Variants in CBFA2T2 observed in about 807,000 individuals in gnomAD.
CBFA2T2 encodes CBFA2/RUNX1 partner transcriptional co-repressor 2.
Under a neutral mutation model 62.2 loss-of-function variants are expected in CBFA2T2, and 11 were observed. That is an observed-to-expected ratio of 0.18 (90% CI 0.11 to 0.29). The LOEUF is 0.29. Ranked by LOEUF, CBFA2T2 falls within the 10% of genes least tolerant of loss-of-function variation. CBFA2T2 has a pLI of 1.00. For synonymous variants in CBFA2T2, 295 were observed against 287.5 expected, an observed-to-expected ratio of 1.03 and a Z score of -0.27; for missense variants, 592 against 774.1, an observed-to-expected ratio of 0.76 and a Z score of 2.79.
At chr20:33,599,168 A>G (rs376739070) in intron 1 of CBFA2T2, among the ~76,000 whole-genome samples, 4 of 152,262 alleles carry the variant, frequency 2.6e-5, no homozygotes, top group Admixed American at 2.6e-4. Flanking sequence ...AAGCTGAGGC[A>G]GGAGAATTGC....
intron 8 of CBFA2T2, among the ~76,000 whole-genome samples, chr20:33,632,698 C>T (rs1052415015): frequency 1.3e-5 from 2 of 151,564 alleles, no homozygotes; most frequent in Non-Finnish European, 1.5e-5. Context: ...CCACCCGCCT[C>T]GTCCTCCCGA....
chr20:33,641,094 G>A (rs1446137595), intron 10 of CBFA2T2, among the ~76,000 whole-genome samples: 2 of 151,772 alleles, frequency 1.3e-5, no homozygotes, highest in African/African-American at 2.4e-5. Context: ...GTGCAGTGGT[G>A]CAATCTTGGC....
chr20:33,502,960 G>A (rs753742545), intron 1 of CBFA2T2, among the ~76,000 whole-genome samples: 1 of 149,774 alleles, frequency 6.7e-6, no homozygotes, highest in East Asian at 2.1e-4. Flanking sequence ...GCTTGGTGGC[G>A]GGCATCTGTA....
At chr20:33,499,917 G>T (rs2146846087) in intron 1 of CBFA2T2, among the ~76,000 whole-genome samples, 1 of 152,186 alleles carries the variant, frequency 6.6e-6, no homozygotes, top group East Asian at 1.9e-4. Flanking sequence ...TAATCTTGGT[G>T]TCAAGTTCAT....
At chr20:33,507,944 G>A (rs534049588) in intron 1 of CBFA2T2, among the ~76,000 whole-genome samples, 10 of 152,268 alleles carry the variant, frequency 6.6e-5, no homozygotes, top group African/African-American at 2.2e-4. Context: ...CCCAAGTGAA[G>A]AATGGGTAGG....
At chr20:33,616,127 AGATAGAT>A (rs894057533) in intron 3 of CBFA2T2, among the ~76,000 whole-genome samples, 5 of 147,442 alleles carry the variant, frequency 3.4e-5, no homozygotes, top group African/African-American at 9.9e-5. Flanking sequence ...ATAGATAGAT[AGATAGAT>A]GACAGAGCAA....
chr20:33,596,200 C>G (rs17124810), intron 1 of CBFA2T2, among the ~76,000 whole-genome samples: 15,778 of 152,168 alleles, frequency 0.1, 2,181 homozygotes, highest in African/African-American at 0.3. Flanking sequence ...TATATTAACT[C>G]TTTCCTGGCT....
intron 10 of CBFA2T2, among the ~76,000 whole-genome samples, chr20:33,642,543 C>G (rs570035095): frequency 2.0e-5 from 3 of 151,806 alleles, no homozygotes; most frequent in Admixed American, 1.3e-4. Flanking sequence ...GAGGTGCAAG[C>G]CTGACCATGA....
intron 1 of CBFA2T2, among the ~76,000 whole-genome samples, chr20:33,549,005 C>T (rs1435170877): frequency 3.3e-5 from 5 of 150,998 alleles, no homozygotes; most frequent in South Asian, 2.1e-4. Context: ...TCCATCCATC[C>T]GTATTCATTC....
At chr20:33,580,454 G>A (rs1308417598) in intron 1 of CBFA2T2, among the ~76,000 whole-genome samples, 1 of 152,154 alleles carries the variant, frequency 6.6e-6, no homozygotes, top group East Asian at 1.9e-4. Flanking sequence ...GCCGAAATTG[G>A]CCTCTTCTGA....
At chr20:33,573,532 A>G (rs771976050) in intron 1 of CBFA2T2, among the ~76,000 whole-genome samples, 12 of 151,776 alleles carry the variant, frequency 7.9e-5, no homozygotes, top group Non-Finnish European at 1.5e-4. Context: ...CCCAGGCTGA[A>G]GTGCAGTGGC....
At chr20:33,507,216 G>A (rs1198527084) in intron 1 of CBFA2T2, among the ~76,000 whole-genome samples, 1 of 152,110 alleles carries the variant, frequency 6.6e-6, no homozygotes, top group Non-Finnish European at 1.5e-5. Context: ...TTTGACAAAC[G>A]TTTATTGAAT....
At chr20:33,573,921 G>A (rs2146905754) in intron 1 of CBFA2T2, 5 of 340,692 alleles carry the variant, frequency 1.5e-5, no homozygotes, top group Middle Eastern at 2.0e-3. Flanking sequence ...GCTAGGACTA[G>A]AGGCATTTGC....
chr20:33,558,324 G>A (rs989167033), intron 1 of CBFA2T2, among the ~76,000 whole-genome samples: 1 of 151,960 alleles, frequency 6.6e-6, no homozygotes, highest in East Asian at 1.9e-4. Flanking sequence ...TAGAGATGAG[G>A]CTTCACCATG....
chr20:33,566,793 T>C (rs1972502671), intron 1 of CBFA2T2, among the ~76,000 whole-genome samples: 1 of 152,188 alleles, frequency 6.6e-6, no homozygotes, highest in African/African-American at 2.4e-5. Flanking sequence ...AGCCTTAAAT[T>C]AAACTTTATT....
At chr20:33,513,042 G>A (rs906869014) in intron 1 of CBFA2T2, among the ~76,000 whole-genome samples, 1 of 151,944 alleles carries the variant, frequency 6.6e-6, no homozygotes, top group Non-Finnish European at 1.5e-5. Flanking sequence ...GTGAGCCACC[G>A]CACCCGGCCA....
rs373462820 is a variant in CBFA2T2 at position 33,624,236 on chromosome 20, T to TAA, written c.693-510_693-509dup. Among the ~76,000 whole-genome samples the TAA allele has an allele frequency of 6.8e-3, 473 of 69,998 alleles. 5 individuals are homozygous for TAA. The highest frequency in any genetic ancestry group is 0.019 in the African/African-American group (436 of 22,964). 45.9% of individuals were successfully genotyped at this position (69,998 alleles called of 152,430 possible). On this transcript the variant is annotated intron_variant, in intron 5 of 10. Coordinates refer to ENST00000342704, the MANE Select transcript of CBFA2T2 (RefSeq NM_001032999.3). Reference sequence around the variant, plus strand: ...GGCTTTAATGACATTTTTTTAAAAGTAAAAAAAAAAAAAAAAAAAGAAAAT... The same window carrying TAA: ...GGCTTTAATGACATTTTTTTAAAAGTAAAAAAAAAAAAAAAAAAAAAGAAAAT...
At chr20:33,625,841 G>T (rs543424083) in intron 6 of CBFA2T2, among the ~76,000 whole-genome samples, 1 of 151,814 alleles carries the variant, frequency 6.6e-6, no homozygotes, top group East Asian at 1.9e-4. Context: ...GGTGGCTCAC[G>T]CCTGTAATCC....
intron 1 of CBFA2T2, among the ~76,000 whole-genome samples, chr20:33,500,945 A>G (rs1342726389): frequency 6.6e-6 from 1 of 152,206 alleles, no homozygotes; most frequent in Non-Finnish European, 1.5e-5. Flanking sequence ...AGAAATGTCC[A>G]TGCTAATTTT....
Sources: gnomAD v4.1 joint callset for allele counts (sites outside exome capture counted in the v4.1 genomes callset) on GRCh38, gnomAD v4.1.1 for gene constraint, MANE v1.5 for transcripts, NCBI Gene and HGNC (gene_info 2026-07-23, HGNC 2026-07-21) for gene names.